RNASE4: variants seen among roughly 807,000 people sequenced by gnomAD.
RNASE4 encodes ribonuclease A family member 4.
For synonymous variants in RNASE4, 93 were observed against 71.4 expected (o/e 1.30, Z -1.52); for missense variants, 194 against 192.8 (o/e 1.01, Z -0.04).
At chr14:20,697,194 A>C (rs2139034275) in intron 1 of RNASE4, among the ~76,000 whole-genome samples, 1 of 152,322 alleles carries the variant, frequency 6.6e-6, no homozygotes, top group African/African-American at 2.4e-5. Flanking sequence ...TTTTCTCTGT[A>C]GCTAGTCATC....
chr14:20,696,256 T>C (rs997119159), intron 1 of RNASE4, among the ~76,000 whole-genome samples: 3 of 152,188 alleles, frequency 2.0e-5, no homozygotes, highest in Non-Finnish European at 4.4e-5. Flanking sequence ...GGAAATCACA[T>C]GGCAGTGGGA....
Position 20,699,457 on chromosome 14 carries a change from A to G in RNASE4, c.86A>G (p.Gln29Arg). The G allele has an allele frequency of 6.2e-7, 1 of 1,613,984 alleles. No individual in the cohort carries two copies. The highest frequency in any genetic ancestry group is 8.5e-7 in the Non-Finnish European group (1 of 1,179,984). Reference protein sequence around the residue: ...GLGLVQPSYGQDGMYQRFLRQ... With the variant: ...GLGLVQPSYGRDGMYQRFLRQ... ...GGGCTGGTCCAGCCCTCCTATGGCC[A>G]GGATGGCATGTACCAGCGATTCCTG... Residue 29 changes from glutamine to arginine, a missense_variant, in exon 2 of 2, where the codon CAG (glutamine) becomes CGG (arginine). Physicochemically the swap from Gln to Arg is conservative, Grantham distance 43. Transcript: ENST00000555835.
At chr14:20,692,480 C>A (rs1264732590) in intron 1 of RNASE4, among the ~76,000 whole-genome samples, 1 of 152,252 alleles carries the variant, frequency 6.6e-6, no homozygotes, top group Non-Finnish European at 1.5e-5. Flanking sequence ...CGGTCTGTGG[C>A]CTGTCCGCCT....
intron 1 of RNASE4, among the ~76,000 whole-genome samples, chr14:20,697,272 G>A (rs564905921): frequency 1.6e-4 from 24 of 152,264 alleles, no homozygotes; most frequent in South Asian, 6.2e-4. Context: ...ATGGAAACTC[G>A]AGGTGCCACC....
intron 1 of RNASE4, among the ~76,000 whole-genome samples, chr14:20,685,029 C>G (rs1886357768): frequency 6.6e-6 from 1 of 152,186 alleles, no homozygotes; most frequent in African/African-American, 2.4e-5. Context: ...ACCACAGAAT[C>G]GCCGAACCTA....
intron 1 of RNASE4, among the ~76,000 whole-genome samples, chr14:20,687,795 A>C (rs1886494234): frequency 2.0e-5 from 3 of 152,244 alleles, no homozygotes; most frequent in Admixed American, 6.5e-5. Flanking sequence ...TTTTACTAGC[A>C]GGCAGCCTGT....
Position 20,699,608 on chromosome 14 carries a change from G to A in RNASE4, c.237G>A (p.Trp79Ter). ...RFNTFIHEDI[W>*]NIRSICSTTN... The stretch of plus-strand genomic sequence containing the variant: ...ACACCTTCATCCATGAAGATATCTG[G>A]AACATTCGTAGTATCTGCAGCACCA... The change falls in exon 2 of 2, where the codon TGG becomes TGA. Residue 79 changes from tryptophan to a stop codon, truncating the protein, a stop_gained. Transcript: ENST00000555835. LOFTEE classifies it low-confidence loss of function (END_TRUNC). The A allele has an allele frequency of 6.2e-7, 1 of 1,614,026 alleles. No individual in the cohort carries two copies. Among genetic ancestry groups the A allele is most frequent in the Non-Finnish European group, 8.5e-7 (1 of 1,180,048 alleles).
chr14:20,693,094 G>C (rs919371260), intron 1 of RNASE4, among the ~76,000 whole-genome samples: 1 of 151,986 alleles, frequency 6.6e-6, no homozygotes, highest in African/African-American at 2.4e-5. Flanking sequence ...TGATCCGCCC[G>C]CCTTGGCCTC....
In RNASE4 at chr14:20,699,738, C is replaced by T. The variant is rs374269522; in HGVS notation, c.367C>T (p.Arg123Trp). The change falls in exon 2 of 2, where the codon CGG becomes TGG. Residue 123 changes from arginine to tryptophan, a missense_variant. Coordinates refer to ENST00000555835, the MANE Select transcript of RNASE4 (RefSeq NM_002937.5). ...TTCCAGGGCACCCAACTGCAGATAT[C>T]GGGCCATAGCGAGCACTAGACGTGT... is the stretch of plus-strand genomic sequence containing the variant. ...GSSRAPNCRY[R>W]AIASTRRVVI... The T allele has an allele frequency of 1.6e-5, 25 of 1,610,958 alleles. No individual in the cohort carries two copies. In the South Asian group the frequency reaches 1.6e-4, roughly 11 times the overall value.
chr14:20,699,822 C>A lies in RNASE4; in HGVS notation c.*7C>A. Reference sequence around the variant, plus strand: ...TGTGCACTTTGACGGTTAGATGCCACCATGTAGGGATTATCGCGAGTGGTT... The same window carrying A: ...TGTGCACTTTGACGGTTAGATGCCAACATGTAGGGATTATCGCGAGTGGTT... On this transcript the variant is annotated 3_prime_UTR_variant, in exon 2 of 2. Coordinates refer to ENST00000555835, the MANE Select transcript of RNASE4 (RefSeq NM_002937.5). The A allele has an allele frequency of 1.2e-6, 2 of 1,611,272 alleles. No homozygotes were observed. Among genetic ancestry groups the A allele is most frequent in the Middle Eastern group, 1.7e-4 (1 of 6,058 alleles).
At chr14:20,696,802 G>A (rs970524417) in intron 1 of RNASE4, among the ~76,000 whole-genome samples, 5 of 151,996 alleles carry the variant, frequency 3.3e-5, no homozygotes, top group Non-Finnish European at 7.4e-5. Flanking sequence ...TGTTATAGGC[G>A]CTTAGATTGA....
chr14:20,687,363 A>G (rs1410145243), intron 1 of RNASE4, among the ~76,000 whole-genome samples: 1 of 152,210 alleles, frequency 6.6e-6, no homozygotes, highest in Non-Finnish European at 1.5e-5. Flanking sequence ...GGACCTAACT[A>G]TATTCAGAGG....
At chr14:20,695,343 C>T (rs140827896) in intron 1 of RNASE4, among the ~76,000 whole-genome samples, 3,553 of 148,340 alleles carry the variant, frequency 0.024, 59 homozygotes, top group Non-Finnish European at 0.033. Flanking sequence ...TGCACTGAGC[C>T]GAGATCACGC....
chr14:20,693,919 C>T (rs201135457), intron 1 of RNASE4: 5 of 1,614,150 alleles, frequency 3.1e-6, no homozygotes, highest in East Asian at 2.2e-5. Context: ...ATGCCAGTAC[C>T]GAGCCACAGC....
chr14:20,694,089 A>T (rs550007170), intron 1 of RNASE4: 4 of 1,498,980 alleles, frequency 2.7e-6, no homozygotes, highest in Non-Finnish European at 3.7e-6. Context: ...TGGTGGCAAC[A>T]TTCATTGCCA....
rs146666841 is a variant in RNASE4, at chr14:20,699,739, G to A, written c.368G>A (p.Arg123Gln). 8.3e-5 allele frequency: 134 copies of A among 1,611,104 alleles called. No homozygotes were observed. The East Asian group carries it at 2.7e-3, about 32-fold the overall frequency. ...TCCAGGGCACCCAACTGCAGATATC[G>A]GGCCATAGCGAGCACTAGACGTGTT... ...GSSRAPNCRY[R>Q]AIASTRRVVI... Residue 123 changes from arginine to glutamine, a missense_variant, in exon 2 of 2, where the codon CGG becomes CAG. By Grantham distance (43) the Arg-to-Gln change is conservative. Coordinates refer to ENST00000555835, the MANE Select transcript of RNASE4 (RefSeq NM_002937.5).
chr14:20,693,719 G>C (rs121909542), intron 1 of RNASE4: 6 of 1,614,186 alleles, frequency 3.7e-6, no homozygotes, highest in Non-Finnish European at 4.2e-6. Context: ...TACTGTGAAA[G>C]CATCATGAGG....
In RNASE4 at chr14:20,696,192, G is replaced by A. The variant is rs185283107; in HGVS notation, c.-17-3163G>A. ...CACATCTTCTCCAAACATCTGCTTG[G>A]AGCATTATCATCGCATAGTTTGCTC... On this transcript the variant is annotated intron_variant, in intron 1 of 1. Coordinates refer to ENST00000555835, the MANE Select transcript of RNASE4 (RefSeq NM_002937.5). 1.4e-3 allele frequency among the ~76,000 whole-genome samples: 218 copies of A among 152,220 alleles called. 1 individual carries two copies. Among genetic ancestry groups the A allele is most frequent in the Middle Eastern group, 0.014 (4 of 294 alleles).
chr14:20,685,192 C>T (rs1886366905), intron 1 of RNASE4, among the ~76,000 whole-genome samples: 1 of 152,180 alleles, frequency 6.6e-6, no homozygotes, highest in African/African-American at 2.4e-5. Context: ...TCCTCTGCCT[C>T]CTCACCCTTA....
Sources: gnomAD v4.1 joint callset for allele counts (sites outside exome capture counted in the v4.1 genomes callset) on GRCh38, gnomAD v4.1.1 for gene constraint, MANE v1.5 for transcripts, NCBI Gene and HGNC (gene_info 2026-07-23, HGNC 2026-07-21) for gene names.